The following ANGPTL4 variants were observed in gnomAD, a reference collection of about 807,000 sequenced individuals.
ANGPTL4 encodes the protein angiopoietin like 4, also known as angiopoietin-related protein 4.
ANGPTL4 carries 39 observed loss-of-function variants against 39.2 expected under a neutral mutation model. The ratio of observed to expected loss-of-function variants is 1.00; its 90% confidence interval spans 0.77 to 1.30. The LOEUF (loss-of-function observed/expected upper bound fraction) is 1.30. Among genes scored for constraint, ANGPTL4 ranks in the 50% most tolerant of loss-of-function variants. The probability of loss-of-function intolerance (pLI) is 0.00; values close to 1 mark genes in which losing one functional copy is unlikely to be tolerated. For synonymous variants in ANGPTL4, 233 were observed against 229.5 expected, an observed-to-expected ratio of 1.02 and a Z score of -0.14; for missense variants, 545 against 549.8, an observed-to-expected ratio of 0.99 and a Z score of 0.09.
chr19:8,373,946 G>C lies in ANGPTL4; in HGVS notation c.*60G>C. On this transcript the variant is annotated 3_prime_UTR_variant, in exon 7 of 7. Transcript: ENST00000301455. ...GACGGTGACTCTTGGCTCTGCCCGA[G>C]GATGTGGCCGTTCCCTGCCTGGGCA... 6.3e-7 allele frequency: 1 copy of C among 1,583,110 alleles called. No homozygotes were observed. The highest frequency in any genetic ancestry group is 8.6e-7 in the Non-Finnish European group (1 of 1,157,538).
chr19:8,367,180 G>A (rs1249212468), intron 3 of ANGPTL4, among the ~76,000 whole-genome samples: 1 of 151,806 alleles, frequency 6.6e-6, no homozygotes, highest in Admixed American at 6.6e-5. Context: ...CCAAGCTCCC[G>A]CTCCTTCCCA....
intron 4 of ANGPTL4, among the ~76,000 whole-genome samples, chr19:8,369,856 C>T (rs983446518): frequency 3.3e-5 from 5 of 151,838 alleles, no homozygotes; most frequent in African/African-American, 9.7e-5. Flanking sequence ...CCCAGAAGTT[C>T]GAGACCAGCC....
chr19:8,364,664 C>T lies in ANGPTL4; in HGVS notation c.318+25C>T, dbSNP rs2145467491. The T allele has an allele frequency of 1.9e-6, 3 of 1,569,460 alleles. No individual in the cohort carries two copies. The East Asian group carries it at 7.1e-5, about 37-fold the overall frequency. On this transcript the variant is annotated intron_variant, in intron 1 of 6. Coordinates refer to ENST00000301455, the MANE Select transcript of ANGPTL4 (RefSeq NM_139314.3). ...GGTACGTGTCCCCAGGGCTGGTTCT[C>T]CGCGCCCCTAGTGGCTCTCCTGGCT...
At chr19:8,372,588 C>T (rs908964725) in intron 6 of ANGPTL4, among the ~76,000 whole-genome samples, 1 of 151,124 alleles carries the variant, frequency 6.6e-6, no homozygotes, top group African/African-American at 2.4e-5. Flanking sequence ...CACTTGAGCC[C>T]AGGAGACCAA....
intron 3 of ANGPTL4, among the ~76,000 whole-genome samples, chr19:8,367,760 C>T (rs1971035292): frequency 6.6e-6 from 1 of 152,204 alleles, no homozygotes; most frequent in African/African-American, 2.4e-5. Flanking sequence ...TGAGATGCTC[C>T]TGCTCAGCAC....
intron 3 of ANGPTL4, among the ~76,000 whole-genome samples, chr19:8,367,613 C>G (rs1329564672): frequency 6.6e-6 from 1 of 152,072 alleles, no homozygotes; most frequent in Non-Finnish European, 1.5e-5. Flanking sequence ...TCCGGCTGGG[C>G]TGGGGGCGGT....
At chr19:8,373,624 C>T (rs1971169294) in intron 6 of ANGPTL4, 81 bp from the exon 7 acceptor site, 1 of 1,604,116 alleles carries the variant, frequency 6.2e-7, no homozygotes, top group Non-Finnish European at 8.5e-7. Context: ...CTGCCTCATC[C>T]TCAACCCTAT....
chr19:8,371,197 C>T lies in ANGPTL4; in HGVS notation c.758-44C>T. ...CAGAGGCAGGGGAGGAAGAGGGACC[C>T]TCAGAAGTGGCCCTGCCTCATGGAG... is the stretch of plus-strand genomic sequence containing the variant. On this transcript the variant is annotated intron_variant, in intron 5 of 6. Transcript: ENST00000301455. The surrounding 1 kb of genome is among the most constrained non-coding windows in gnomAD (Gnocchi z 5.1). 3 of 1,614,100 alleles carry T rather than the reference C, an allele frequency of 1.9e-6. No homozygotes were observed. The highest frequency in any genetic ancestry group is 2.5e-6 in the Non-Finnish European group (3 of 1,180,028).
Position 8,374,065 on chromosome 19 carries a change from C to G in ANGPTL4, c.*179C>G. On this transcript the variant is annotated 3_prime_UTR_variant, in exon 7 of 7. Transcript: ENST00000301455. ...TTTCTGAGTGCAGGGGGGCTGCATG[C>G]GTTGCCTCCTGAGATCGAGGCTGCA... The G allele has an allele frequency of 2.0e-5, 13 of 658,574 alleles. 1 individual carries two copies. The South Asian group carries it at 2.4e-4, about 12-fold the overall frequency. 40.8% of individuals were successfully genotyped at this position (658,574 alleles called of 1,614,324 possible). A position where few individuals can be genotyped will look rare whatever the true frequency, so the allele number is the denominator to read the frequency against.
intron 3 of ANGPTL4, among the ~76,000 whole-genome samples, chr19:8,367,862 G>T (rs529528365): frequency 6.6e-6 from 1 of 152,134 alleles, no homozygotes; most frequent in African/African-American, 2.4e-5. Flanking sequence ...ACGGAGTCTC[G>T]CTCTGTTGTC....
At chr19:8,370,309 G>A (rs1160782473) in intron 4 of ANGPTL4, among the ~76,000 whole-genome samples, 1 of 152,142 alleles carries the variant, frequency 6.6e-6, no homozygotes, top group Non-Finnish European at 1.5e-5. Context: ...GGGAGGCCAA[G>A]GCAGGAGGGT....
At chr19:8,367,878 T>C (rs772806118) in intron 3 of ANGPTL4, among the ~76,000 whole-genome samples, 4 of 152,228 alleles carry the variant, frequency 2.6e-5, no homozygotes, top group Non-Finnish European at 5.9e-5. Flanking sequence ...TTGTCCAGGC[T>C]GGAGTGCAGT....
intron 6 of ANGPTL4, 96 bp from the exon 7 acceptor site, chr19:8,373,609 C>T: frequency 6.4e-7 from 1 of 1,574,654 alleles, no homozygotes; most frequent in Non-Finnish European, 8.7e-7. Context: ...AGCCTGGTCC[C>T]CAACCTGCCT....
chr19:8,366,142 C>A (rs951801645), intron 2 of ANGPTL4, 60 bp from the exon 3 acceptor site: 3 of 1,608,316 alleles, frequency 1.9e-6, no homozygotes, highest in African/African-American at 2.7e-5. Context: ...GAGAACTGGA[C>A]GTGTGGCTGG....
chr19:8,371,253 T>C lies in ANGPTL4; in HGVS notation c.770T>C (p.Leu257Pro). Reference sequence around the variant, plus strand: ...TCTCCCACTCCAGGCGAGTTCTGGCTGGGTCTGGAGAAGGTGCATAGCATC... The same window carrying C: ...TCTCCCACTCCAGGCGAGTTCTGGCCGGGTCTGGAGAAGGTGCATAGCATC... ...GFGDPHGEFWLGLEKVHSITG... is the reference protein window; with the variant it reads ...GFGDPHGEFWPGLEKVHSITG... Residue 257 changes from leucine (L) to proline (P), a missense_variant, in exon 6 of 7, where the codon CTG (leucine) becomes CCG (proline). Transcript: ENST00000301455. The surrounding 1 kb of genome is among the most constrained non-coding windows in gnomAD (Gnocchi z 5.1). 6.2e-7 allele frequency: 1 copy of C among 1,614,060 alleles called. No individual in the cohort carries two copies. The highest frequency in any genetic ancestry group is 8.5e-7 in the Non-Finnish European group (1 of 1,180,022).
chr19:8,364,687 G>A (rs1970964771), intron 1 of ANGPTL4, 48 bp downstream of exon 1: 1 of 1,551,472 alleles, frequency 6.4e-7, no homozygotes. Flanking sequence ...GGCTCTCCTG[G>A]CTTGGAAGGG....
Position 8,374,121 on chromosome 19 carries a change from AAGGGGCATGG to A in ANGPTL4, c.*238_*247del. ...TGCTCAGACTCTAGAGGCGTGGACC[AAGGGGCATGG>A]AGCTTCACTCCTTGCTGGCCAGGGA... is the stretch of plus-strand genomic sequence containing the variant. On this transcript the variant is annotated 3_prime_UTR_variant, in exon 7 of 7. Transcript: ENST00000301455. The A allele has an allele frequency of 1.9e-6, 1 of 536,982 alleles. No individual in the cohort carries two copies. Among genetic ancestry groups the A allele is most frequent in the Non-Finnish European group, 3.4e-6 (1 of 297,458 alleles). 33.3% of individuals were successfully genotyped at this position (536,982 alleles called of 1,614,324 possible).
At chr19:8,369,186 C>A in intron 3 of ANGPTL4, 33 bp from the exon 4 acceptor site, 1 of 1,579,920 alleles carries the variant, frequency 6.3e-7, no homozygotes, top group South Asian at 1.1e-5. Context: ...GGGCTGCCCT[C>A]CTGTTTCAAG....
rs76800055 is a variant in ANGPTL4 at position 8,369,171 on chromosome 19, C to T, written c.548-48C>T. 3.7e-5 allele frequency: 56 copies of T among 1,524,680 alleles called. No individual in the cohort carries two copies. In the African/African-American group the frequency reaches 4.6e-4, roughly 13 times the overall value. The allele number at this position is 1,524,680 out of a possible 1,614,324, so 94.4% of individuals were successfully genotyped here. ...GATATGCCTGGCTCCTGAGACCCCC[C>T]CCAGGGGCTGCCCTCCTGTTTCAAG... On this transcript the variant is annotated intron_variant, in intron 3 of 6. Transcript: ENST00000301455.
Sources: gnomAD v4.1 joint callset for allele counts (sites outside exome capture counted in the v4.1 genomes callset) on GRCh38, gnomAD v4.1.1 for gene constraint, Gnocchi (gnomAD v3.1) non-coding constraint, MANE v1.5 for transcripts, NCBI Gene and HGNC (gene_info 2026-07-23, HGNC 2026-07-21) for gene names.